TTC4: variants seen among roughly 807,000 people sequenced by gnomAD.
TTC4 encodes tetratricopeptide repeat domain 4, also known as hsp70/Hsp90 co-chaperone CNS1 homolog.
TTC4 carries 36 observed loss-of-function variants against 51.9 expected under a neutral mutation model. The observed-to-expected ratio is 0.69, with a 90% CI of 0.53 to 0.92. The LOEUF (loss-of-function observed/expected upper bound fraction) is 0.92, where lower values mean the gene tolerates loss of function less well. Among genes scored for constraint, TTC4 ranks in the 40% least tolerant of loss-of-function variants. The pLI, the probability that TTC4 is intolerant of heterozygous loss-of-function variation, is 0.00. For synonymous variants in TTC4, 144 were observed against 164.2 expected, an observed-to-expected ratio of 0.88 and a Z score of 0.94; for missense variants, 399 against 454.6, an observed-to-expected ratio of 0.88 and a Z score of 1.11.
At chr1:54,726,212 C>T (rs75482222) in intron 5 of TTC4, among the ~76,000 whole-genome samples, 7,741 of 152,066 alleles carry the variant, frequency 0.051, 217 homozygotes, top group South Asian at 0.077. Context: ...TTAAAAGCAG[C>T]AAGAGAAAAA....
intron 2 of TTC4, 63 bp downstream of exon 2, chr1:54,716,780 G>T (rs1292851257): frequency 9.9e-6 from 13 of 1,313,590 alleles, no homozygotes; most frequent in Non-Finnish European, 1.4e-5. Flanking sequence ...GTGTGGGTTA[G>T]AAGCGTTCTG....
chr1:54,723,658 A>G (rs1049950671), intron 5 of TTC4, among the ~76,000 whole-genome samples: 1 of 152,176 alleles, frequency 6.6e-6, no homozygotes, highest in Non-Finnish European at 1.5e-5. Flanking sequence ...TGCTTTAGCT[A>G]CCTCACTAGT....
chr1:54,739,862 GA>G (rs1645990959), intron 9 of TTC4, among the ~76,000 whole-genome samples: 1 of 152,172 alleles, frequency 6.6e-6, no homozygotes, highest in African/African-American at 2.4e-5. Context: ...CACCAGGGTT[GA>G]TTTTTAAAAA....
At chr1:54,716,143 AG>A in intron 1 of TTC4, 124 bp downstream of exon 1, 1 of 792,810 alleles carries the variant, frequency 1.3e-6, no homozygotes, top group Non-Finnish European at 2.1e-6. Context: ...GCTGGTTTCT[AG>A]TTGAGTATTG....
rs1300376984 is a variant in TTC4, at chr1:54,731,550, G to A, written c.746G>A (p.Gly249Asp). 5.0e-6 allele frequency: 8 copies of A among 1,613,888 alleles called. No homozygotes were observed. Among genetic ancestry groups the A allele is most frequent in the Non-Finnish European group, 5.1e-6 (6 of 1,179,994 alleles). ...GAAGATTCAGCCTCAGAAGGTCTAG[G>A]TGAGCTTTTCCTGGATGGACTCAGC... ...EDEDSASEGL[G>D]ELFLDGLSTE... Residue 249 changes from glycine to aspartate, a missense_variant, in exon 7 of 10, where the codon GGT becomes GAT. Transcript: ENST00000371281.
At chr1:54,735,127 C>T (rs74524686) in intron 8 of TTC4, among the ~76,000 whole-genome samples, 17,992 of 151,924 alleles carry the variant, frequency 0.12, 1,754 homozygotes, top group African/African-American at 0.26. Flanking sequence ...AACTGCAGGA[C>T]ACTTTGAAGA....
At chr1:54,738,876 T>C (rs1368375189) in intron 9 of TTC4, among the ~76,000 whole-genome samples, 1 of 152,030 alleles carries the variant, frequency 6.6e-6, no homozygotes, top group Non-Finnish European at 1.5e-5. Context: ...TTGTCCAGGC[T>C]GGTCTCAAAC....
At chr1:54,739,257 C>T (rs1645984211) in intron 9 of TTC4, among the ~76,000 whole-genome samples, 1 of 152,056 alleles carries the variant, frequency 6.6e-6, no homozygotes, top group African/African-American at 2.4e-5. Context: ...AGCAGTCCTC[C>T]TGCCTCACCC....
At position 54,728,381 on chromosome 1, in the gene TTC4, G is replaced by A. The variant is rs1645826351; in HGVS notation, c.630G>A (p.Leu210=). The change falls in exon 6 of 10, where the codon TTG becomes TTA. Residue 210 remains leucine, a synonymous_variant. Coordinates refer to ENST00000371281, the MANE Select transcript of TTC4 (RefSeq NM_004623.5). ...AGAGGGATGTGAGGAAAGCCAACTTGAAAGAAAAGAAGGAGAGGAATCAGA... is the reference window on the plus strand; with the variant it reads ...AGAGGGATGTGAGGAAAGCCAACTTAAAAGAAAAGAAGGAGAGGAATCAGA... ...IEQRDVRKAN[L]KEKKERNQNE... The A allele has an allele frequency of 6.2e-7, 1 of 1,613,104 alleles. No individual in the cohort carries two copies. Among genetic ancestry groups the A allele is most frequent in the African/African-American group, 1.3e-5 (1 of 74,842 alleles).
intron 3 of TTC4, 126 bp downstream of exon 3, chr1:54,717,779 C>T: frequency 1.2e-6 from 1 of 844,654 alleles, no homozygotes; most frequent in Non-Finnish European, 1.7e-6. Flanking sequence ...GGATAGTTTA[C>T]TCTGATTGAA....
intron 3 of TTC4, among the ~76,000 whole-genome samples, chr1:54,719,075 A>G (rs1213214928): frequency 6.6e-6 from 1 of 152,082 alleles, no homozygotes; most frequent in Non-Finnish European, 1.5e-5. Context: ...TATTTCCTTT[A>G]CTGAATCACC....
intron 8 of TTC4, among the ~76,000 whole-genome samples, chr1:54,735,660 C>T (rs901976950): frequency 6.6e-6 from 1 of 152,166 alleles, no homozygotes; most frequent in Non-Finnish European, 1.5e-5. Flanking sequence ...GGTCTGCCAG[C>T]CTTCTCCACT....
chr1:54,733,167 A>G (rs1033681293), intron 7 of TTC4, among the ~76,000 whole-genome samples: 16 of 146,766 alleles, frequency 1.1e-4, no homozygotes, highest in Admixed American at 8.6e-4. Context: ...TGTAATCCCA[A>G]TAACTTTGGG....
intron 9 of TTC4, among the ~76,000 whole-genome samples, chr1:54,739,958 T>A (rs749496050): frequency 3.9e-5 from 6 of 152,154 alleles, no homozygotes; most frequent in Admixed American, 1.3e-4. Context: ...GGCTAAGGCA[T>A]GAGGATCACC....
At chr1:54,722,194 GGA>G (rs1645751363) in intron 4 of TTC4, among the ~76,000 whole-genome samples, 1 of 151,236 alleles carries the variant, frequency 6.6e-6, no homozygotes, top group Non-Finnish European at 1.5e-5. Flanking sequence ...AACAAAATTA[GGA>G]GACACCTAAT....
intron 5 of TTC4, among the ~76,000 whole-genome samples, chr1:54,724,571 C>G (rs562068803): frequency 1.3e-5 from 2 of 152,222 alleles, no homozygotes; most frequent in African/African-American, 4.8e-5. Context: ...CTGTGCCCAG[C>G]CACTGAAGCA....
At chr1:54,740,133 C>G (rs1645994245) in intron 9 of TTC4, among the ~76,000 whole-genome samples, 1 of 151,444 alleles carries the variant, frequency 6.6e-6, no homozygotes, top group Non-Finnish European at 1.5e-5. Context: ...TATGATCACA[C>G]CACTGCACTC....
intron 6 of TTC4, among the ~76,000 whole-genome samples, chr1:54,730,256 G>A (rs1355585998): frequency 6.7e-6 from 1 of 150,302 alleles, no homozygotes; most frequent in African/African-American, 2.5e-5. Flanking sequence ...GAGATGCCCA[G>A]ACACCCAGAC....
Position 54,717,497 on chromosome 1 carries a change from G to A in TTC4, c.235G>A (p.Ala79Thr). 2 of 1,584,686 alleles carry A rather than the reference G, an allele frequency of 1.3e-6. No individual in the cohort carries two copies. Among genetic ancestry groups the A allele is most frequent in the East Asian group, 4.5e-5 (2 of 44,430 alleles). Residue 79 changes from alanine (A) to threonine (T), a missense_variant, in exon 3 of 10, where the codon GCC becomes ACC. Physicochemically the swap from Ala to Thr is moderately conservative, Grantham distance 58. Coordinates refer to ENST00000371281, the MANE Select transcript of TTC4 (RefSeq NM_004623.5). ...FDEERSPEEQAKTYKDEGNDY... is the reference protein window; with the variant it reads ...FDEERSPEEQTKTYKDEGNDY... ...ATTTTTCCTCTTCTTTGCAGAACAGGCCAAGACCTATAAAGATGAGGGCAA... is the reference window on the plus strand; with the variant it reads ...ATTTTTCCTCTTCTTTGCAGAACAGACCAAGACCTATAAAGATGAGGGCAA...
Sources: allele counts gnomAD v4.1 joint callset (sites outside exome capture counted in the v4.1 genomes callset), GRCh38; gene constraint gnomAD v4.1.1; transcripts MANE v1.5; gene names NCBI Gene and HGNC (gene_info 2026-07-23, HGNC 2026-07-21).